The following KLHL8 variants were observed in gnomAD, a reference collection of about 807,000 sequenced individuals.
The protein encoded by KLHL8 is kelch-like protein 8.
Under a neutral mutation model 63.5 loss-of-function variants are expected in KLHL8, and 38 were observed. The ratio of observed to expected loss-of-function variants is 0.60; its 90% CI spans 0.46 to 0.78. The LOEUF (loss-of-function observed/expected upper bound fraction) is 0.78. Among genes scored for constraint, KLHL8 ranks in the 30% least tolerant of loss-of-function variants. The pLI is 0.00. For synonymous variants in KLHL8, 224 were observed against 254.3 expected, an observed-to-expected ratio of 0.88 and a Z score of 1.13; for missense variants, 566 against 752.4, an observed-to-expected ratio of 0.75 and a Z score of 2.90.
At chr4:87,187,172 A>G (rs1048756344) in intron 2 of KLHL8, among the ~76,000 whole-genome samples, 1 of 152,214 alleles carries the variant, frequency 6.6e-6, no homozygotes, top group Admixed American at 6.5e-5. Context: ...ATGTGAATAC[A>G]TAATGTCAAA....
intron 6 of KLHL8, among the ~76,000 whole-genome samples, chr4:87,174,347 C>T (rs1427572684): frequency 4.0e-5 from 6 of 151,568 alleles, no homozygotes; most frequent in South Asian, 2.1e-4. Flanking sequence ...GGCGCAATCT[C>T]GGCTCACTGC....
intron 8 of KLHL8, chr4:87,167,520 T>C: frequency 1.8e-6 from 1 of 542,886 alleles, no homozygotes; most frequent in Non-Finnish European, 3.7e-6. Context: ...GGTTGTGTCC[T>C]GGCTAAATCA....
At chr4:87,164,173 A>G (rs1730286305) in intron 8 of KLHL8, 94 bp from the exon 9 acceptor site, 1 of 1,181,120 alleles carries the variant, frequency 8.5e-7, no homozygotes. Flanking sequence ...AATCTTTTAA[A>G]ATCATTTTAG....
In KLHL8 at chr4:87,202,309, G is replaced by A. The variant is rs145951748; in HGVS notation, c.-151-6619C>T. On this transcript the variant is annotated intron_variant, in intron 1 of 9. Transcript: ENST00000273963. The stretch of plus-strand genomic sequence containing the variant: ...AGATCAACATATTTTTAGTAGAGAC[G>A]GGGTTTCAGCATGTTGGCCAGGCTG... Among the ~76,000 whole-genome samples the A allele has an allele frequency of 2.4e-3, 364 of 152,102 alleles. 2 individuals carry two copies. Among genetic ancestry groups the A allele is most frequent in the African/African-American group, 7.4e-3 (305 of 41,492 alleles).
chr4:87,202,382 A>G (rs1018962312), intron 1 of KLHL8, among the ~76,000 whole-genome samples: 2 of 152,098 alleles, frequency 1.3e-5, no homozygotes, highest in Admixed American at 6.5e-5. Flanking sequence ...AGCCTCCCAA[A>G]GTGCTGGGAT....
intron 1 of KLHL8, among the ~76,000 whole-genome samples, chr4:87,200,023 C>A (rs1731850473): frequency 6.6e-6 from 1 of 151,356 alleles, no homozygotes; most frequent in Non-Finnish European, 1.5e-5. Flanking sequence ...TGCCTATAGT[C>A]CCAGCTACTC....
intron 1 of KLHL8, among the ~76,000 whole-genome samples, chr4:87,217,457 C>T (rs932470071): frequency 6.6e-6 from 1 of 152,028 alleles, no homozygotes; most frequent in Non-Finnish European, 1.5e-5. Flanking sequence ...ACCTCAGTCT[C>T]CCGAGTAGCT....
intron 2 of KLHL8, among the ~76,000 whole-genome samples, chr4:87,193,059 G>C (rs1731554179): frequency 6.6e-6 from 1 of 152,038 alleles, no homozygotes; most frequent in Non-Finnish European, 1.5e-5. Flanking sequence ...GTACACTTAT[G>C]CTACACTAAA....
intron 1 of KLHL8, among the ~76,000 whole-genome samples, chr4:87,219,082 C>A (rs1484843100): frequency 1.3e-5 from 2 of 152,164 alleles, no homozygotes; most frequent in Admixed American, 6.5e-5. Context: ...ATTTTGGTAT[C>A]TTGAAAGCAA....
chr4:87,222,593 A>AT (rs912423084), upstream of KLHL8, among the ~76,000 whole-genome samples: 3 of 151,774 alleles, frequency 2.0e-5, no homozygotes, highest in Non-Finnish European at 2.9e-5. Context: ...ATTTTATTTT[A>AT]TTTTTTTGAG....
At chr4:87,180,317 G>A (rs1731001874) in intron 4 of KLHL8, among the ~76,000 whole-genome samples, 1 of 152,186 alleles carries the variant, frequency 6.6e-6, no homozygotes, top group Non-Finnish European at 1.5e-5. Flanking sequence ...TACCTGCCAT[G>A]TACTAGGCAT....
intron 1 of KLHL8, among the ~76,000 whole-genome samples, chr4:87,209,178 T>A (rs1028763125): frequency 2.3e-5 from 3 of 132,034 alleles, no homozygotes; most frequent in African/African-American, 7.7e-5. Flanking sequence ...TTTAAAACAA[T>A]CAGAATTTTT....
At chr4:87,238,287 AT>A (rs1163082123) in intron 1 of KLHL8, among the ~76,000 whole-genome samples, 1 of 152,196 alleles carries the variant, frequency 6.6e-6, no homozygotes, top group Admixed American at 6.5e-5. Context: ...CACCAAGCAT[AT>A]TTGTAGAGAA....
At chr4:87,224,958 G>A (rs1049397017), upstream of KLHL8, among the ~76,000 whole-genome samples, 2 of 152,020 alleles carry the variant, frequency 1.3e-5, no homozygotes, top group Non-Finnish European at 2.9e-5. Context: ...GGTGGGGTGC[G>A]GGGATGGGGG....
intron 1 of KLHL8, among the ~76,000 whole-genome samples, chr4:87,216,138 C>T (rs1732586467): frequency 6.6e-6 from 1 of 152,268 alleles, no homozygotes. Context: ...CTGTATTGCC[C>T]ATCAAGGCTG....
chr4:87,173,375 T>C (rs558919384), intron 6 of KLHL8, among the ~76,000 whole-genome samples: 6 of 152,352 alleles, frequency 3.9e-5, no homozygotes, highest in African/African-American at 1.4e-4. Flanking sequence ...AACAAAGTTG[T>C]ATCTTTACCA....
intron 4 of KLHL8, among the ~76,000 whole-genome samples, chr4:87,182,456 T>C (rs1731092233): frequency 6.6e-6 from 1 of 152,134 alleles, no homozygotes; most frequent in South Asian, 2.1e-4. Context: ...ATTTGATAAC[T>C]GCATATTTAG....
At chr4:87,194,709 T>C (rs1339149019) in intron 2 of KLHL8, among the ~76,000 whole-genome samples, 4 of 152,232 alleles carry the variant, frequency 2.6e-5, no homozygotes, top group Non-Finnish European at 5.9e-5. Context: ...TTATCACTTT[T>C]CCAATTTTAT....
intron 6 of KLHL8, among the ~76,000 whole-genome samples, chr4:87,172,310 T>TA (rs747406546): frequency 6.6e-5 from 10 of 152,126 alleles, no homozygotes; most frequent in Non-Finnish European, 1.3e-4. Context: ...ATCAATAACC[T>TA]AAATGGCCCT....
Sources: allele counts gnomAD v4.1 joint callset (sites outside exome capture counted in the v4.1 genomes callset), GRCh38; gene constraint gnomAD v4.1.1; transcripts MANE v1.5; gene names NCBI Gene and HGNC (gene_info 2026-07-23, HGNC 2026-07-21).